The following PRKAR1B variants were observed in gnomAD, a reference collection of about 807,000 sequenced individuals.
The protein encoded by PRKAR1B is cAMP-dependent protein kinase type I-beta regulatory subunit.
Under a neutral mutation model 46.5 loss-of-function variants are expected in PRKAR1B, and 22 were observed. The ratio of observed to expected loss-of-function variants is 0.47; its 90% confidence interval spans 0.34 to 0.68. The LOEUF (loss-of-function observed/expected upper bound fraction) is 0.68, where lower values mean the gene tolerates loss of function less well. PRKAR1B is among the 30% of genes least tolerant of loss of function. The pLI is 0.01. For synonymous variants in PRKAR1B, 259 were observed against 217.7 expected (o/e 1.19, Z -1.67); for missense variants, 445 against 535.6 (o/e 0.83, Z 1.67).
At chr7:653,473 A>C (rs1785021352) in intron 4 of PRKAR1B, among the ~76,000 whole-genome samples, 2 of 151,680 alleles carry the variant, frequency 1.3e-5, no homozygotes, top group South Asian at 4.2e-4. Flanking sequence ...CCTTTAGTAA[A>C]CTCTCTTTGC....
intron 4 of PRKAR1B, among the ~76,000 whole-genome samples, chr7:650,768 C>T (rs558395305): frequency 6.6e-6 from 1 of 152,322 alleles, no homozygotes; most frequent in African/African-American, 2.4e-5. Context: ...CCACAGGCAG[C>T]TCAGAGACGT....
chr7:664,014 G>T (rs1224549235), intron 4 of PRKAR1B, among the ~76,000 whole-genome samples: 1 of 152,122 alleles, frequency 6.6e-6, no homozygotes, highest in Non-Finnish European at 1.5e-5. Flanking sequence ...TGGGAACAGG[G>T]TCACCAAATT....
chr7:605,453 G>A (rs982356924), intron 6 of PRKAR1B, among the ~76,000 whole-genome samples: 1 of 152,246 alleles, frequency 6.6e-6, no homozygotes, highest in Non-Finnish European at 1.5e-5. Context: ...AGAGATGGGA[G>A]CCAGAGGCTC....
chr7:704,905 A>G (rs1780239498), intron 2 of PRKAR1B, among the ~76,000 whole-genome samples: 2 of 152,254 alleles, frequency 1.3e-5, no homozygotes. Context: ...GACAAAATAC[A>G]TGAACAGACA....
At position 714,311 on chromosome 7, in the gene PRKAR1B, C is replaced by T. The variant is rs1780798438; in HGVS notation, c.-22-2784G>A. On this transcript the variant is annotated intron_variant, in intron 1 of 10. Transcript: ENST00000537384. The surrounding 1 kb of genome is among the most constrained non-coding windows in gnomAD (Gnocchi z 4.3). The stretch of plus-strand genomic sequence containing the variant: ...AGAGTGGAGGCACCTCTCTGGCTGA[C>T]CTCACAGGACAGCCCTCTGATCCCG... Among the ~76,000 whole-genome samples the T allele has an allele frequency of 6.6e-6, 1 of 152,214 alleles. No homozygotes were observed. Among genetic ancestry groups the T allele is most frequent in the African/African-American group, 2.4e-5 (1 of 41,454 alleles).
chr7:676,876 G>A (rs974139123), intron 4 of PRKAR1B, among the ~76,000 whole-genome samples: 1 of 151,568 alleles, frequency 6.6e-6, no homozygotes, highest in Non-Finnish European at 1.5e-5. Context: ...AACGGGGCCT[G>A]CCCACCTCCC....
rs375726677 is a variant in PRKAR1B, at chr7:685,346, ATG to A, written c.178-4622_178-4621del. On this transcript the variant is annotated intron_variant, in intron 2 of 10. Transcript: ENST00000537384. Reference sequence around the variant, plus strand: ...TATATACGTATATATACGTATATATATGTATACATATATATATACACATATAT... The same window carrying A: ...TATATACGTATATATACGTATATATATATACATATATATATACACATATAT... Among the ~76,000 whole-genome samples the A allele has an allele frequency of 1.1e-4, 9 of 81,226 alleles. 1 individual carries two copies. Among genetic ancestry groups the A allele is most frequent in the African/African-American group, 4.1e-4 (8 of 19,332 alleles). The allele number at this position is 81,226 out of a possible 152,430, so 53.3% of individuals were successfully genotyped here. A position where few individuals can be genotyped will look rare whatever the true frequency, so the allele number is the denominator to read the frequency against.
chr7:671,558 G>A (rs1158278767), intron 4 of PRKAR1B, among the ~76,000 whole-genome samples: 14 of 152,148 alleles, frequency 9.2e-5, no homozygotes, highest in South Asian at 4.2e-4. Context: ...TCCTGAGCTC[G>A]AGCACTCCTC....
At chr7:612,136 G>T (rs1356261285) in intron 4 of PRKAR1B, among the ~76,000 whole-genome samples, 1 of 145,034 alleles carries the variant, frequency 6.9e-6, no homozygotes, top group Admixed American at 6.9e-5. Flanking sequence ...TGGATGGATG[G>T]ATGGATGTAA....
At chr7:649,733 T>A (rs889285464) in intron 4 of PRKAR1B, among the ~76,000 whole-genome samples, 22 of 151,942 alleles carry the variant, frequency 1.4e-4, no homozygotes, top group Admixed American at 3.9e-4. Context: ...GCCTGGCTAA[T>A]TTTTTGTTCT....
At chr7:707,888 C>G (rs916198651) in intron 2 of PRKAR1B, among the ~76,000 whole-genome samples, 10 of 147,756 alleles carry the variant, frequency 6.8e-5, no homozygotes, top group African/African-American at 1.8e-4. Flanking sequence ...CTGGACCACC[C>G]AAGATGATCA....
intron 4 of PRKAR1B, among the ~76,000 whole-genome samples, chr7:626,400 C>T (rs886398011): frequency 2.0e-5 from 3 of 152,126 alleles, no homozygotes; most frequent in African/African-American, 4.8e-5. Flanking sequence ...AAGGATGAGG[C>T]CAGAGAATCA....
At chr7:706,959 C>A (rs1163151801) in intron 2 of PRKAR1B, among the ~76,000 whole-genome samples, 1 of 152,230 alleles carries the variant, frequency 6.6e-6, no homozygotes, top group Admixed American at 6.5e-5. Flanking sequence ...CCTGGCTGGC[C>A]TCGAGGGGGT....
chr7:629,986 C>G (rs548730563), intron 4 of PRKAR1B, among the ~76,000 whole-genome samples: 1 of 142,252 alleles, frequency 7.0e-6, no homozygotes, highest in African/African-American at 2.6e-5. Context: ...CTGGAAAACG[C>G]TGCAGGAGCG....
At chr7:725,232 C>T (rs913187170) in intron 1 of PRKAR1B, among the ~76,000 whole-genome samples, 31 of 150,308 alleles carry the variant, frequency 2.1e-4, no homozygotes, top group East Asian at 1.9e-4. Context: ...AAAAAAAAGA[C>T]GTACCGACAA....
At chr7:611,721 G>T (rs147129887) in intron 4 of PRKAR1B, among the ~76,000 whole-genome samples, 2,395 of 152,332 alleles carry the variant, frequency 0.016, 75 homozygotes, top group African/African-American at 0.054. Context: ...TGGATGAACG[G>T]ATGAGTGAAT....
chr7:628,904 G>A (rs1783569937), intron 4 of PRKAR1B, among the ~76,000 whole-genome samples: 1 of 151,912 alleles, frequency 6.6e-6, no homozygotes. Flanking sequence ...GGGTTCGTCG[G>A]GGACGGGGTG....
intron 9 of PRKAR1B, among the ~76,000 whole-genome samples, chr7:570,262 A>T (rs1408694412): frequency 6.6e-6 from 1 of 152,206 alleles, no homozygotes; most frequent in Non-Finnish European, 1.5e-5. Flanking sequence ...CCCTGAGGCC[A>T]AGGGTGGGCC....
Position 593,440 on chromosome 7 carries a change from G to T in PRKAR1B, c.708+2706C>A, listed in dbSNP as rs933470093. On this transcript the variant is annotated intron_variant, in intron 7 of 10. Transcript: ENST00000537384. The surrounding 1 kb of genome is among the most constrained non-coding windows in gnomAD (Gnocchi z 6.1). ...CGGCCAGCTATTCTTAGCGCACAGG[G>T]ACCCAAAATTAAAACAGAGGAAGCG... Among the ~76,000 whole-genome samples, 1 of 152,170 alleles carries T rather than the reference G, an allele frequency of 6.6e-6. No homozygotes were observed. Among genetic ancestry groups the T allele is most frequent in the African/African-American group, 2.4e-5 (1 of 41,434 alleles).
Sources: allele counts gnomAD v4.1 joint callset (sites outside exome capture counted in the v4.1 genomes callset), GRCh38; gene constraint gnomAD v4.1.1; non-coding constraint Gnocchi (gnomAD v3.1); transcripts MANE v1.5; gene names NCBI Gene and HGNC (gene_info 2026-07-23, HGNC 2026-07-21).